C21orf91: variants seen among roughly 807,000 people sequenced by gnomAD.
C21orf91 encodes chromosome 21 open reading frame 91.
Under a neutral mutation model 32.9 loss-of-function variants are expected in C21orf91, and 26 were observed. The ratio of observed to expected loss-of-function variants is 0.79; its 90% confidence interval spans 0.58 to 1.10. The LOEUF is 1.10. Among genes scored for constraint, C21orf91 ranks in the 50% least tolerant of loss-of-function variants. The pLI, the probability that C21orf91 is intolerant of heterozygous loss-of-function variation, is 0.00. For missense variants in C21orf91, 310 were observed against 341.3 expected, an observed-to-expected ratio of 0.91 and a Z score of 0.72; for synonymous variants, 126 against 120.4, an observed-to-expected ratio of 1.05 and a Z score of -0.31.
intron 2 of C21orf91, among the ~76,000 whole-genome samples, chr21:17,801,778 G>T (rs1438926655): frequency 2.0e-5 from 3 of 151,556 alleles, no homozygotes; most frequent in Non-Finnish European, 4.4e-5. Flanking sequence ...AACCACCACG[G>T]CATGTGTATA....
Position 17,803,995 on chromosome 21 carries a change from T to C in C21orf91, c.128-6877A>G, listed in dbSNP as rs184719605. On this transcript the variant is annotated intron_variant, in intron 2 of 4. Coordinates refer to ENST00000284881, the MANE Select transcript of C21orf91 (RefSeq NM_001100420.2). ...GCTCTTCAATTCCAAATAGTTCTTA[T>C]TATTTCCTTAATGAAAGCACTTGTA... 1.7e-3 allele frequency among the ~76,000 whole-genome samples: 259 copies of C among 152,272 alleles called. 2 individuals carry two copies. Among genetic ancestry groups the C allele is most frequent in the Non-Finnish European group, 1.3e-4 (9 of 68,030 alleles).
chr21:17,801,144 C>A (rs952540338), intron 2 of C21orf91, among the ~76,000 whole-genome samples: 4 of 151,976 alleles, frequency 2.6e-5, no homozygotes, highest in Non-Finnish European at 5.9e-5. Context: ...AGACATGGAA[C>A]CAACACAAAT....
At chr21:17,814,609 G>A (rs2062653387) in intron 2 of C21orf91, among the ~76,000 whole-genome samples, 1 of 152,158 alleles carries the variant, frequency 6.6e-6, no homozygotes, top group African/African-American at 2.4e-5. Context: ...GGCAAAGAGG[G>A]AGCCAGCACC....
At chr21:17,803,765 A>C (rs887869646) in intron 2 of C21orf91, among the ~76,000 whole-genome samples, 1 of 152,140 alleles carries the variant, frequency 6.6e-6, no homozygotes, top group Non-Finnish European at 1.5e-5. Flanking sequence ...ATGGATGAAA[A>C]TGTTACTTGT....
intron 4 of C21orf91, among the ~76,000 whole-genome samples, chr21:17,794,516 A>G (rs1156525220): frequency 6.6e-6 from 1 of 152,216 alleles, no homozygotes; most frequent in Non-Finnish European, 1.5e-5. Flanking sequence ...TGGTAGTGCA[A>G]TGGGAATGGA....
intron 1 of C21orf91, among the ~76,000 whole-genome samples, chr21:17,818,585 G>T (rs1486071858): frequency 1.3e-5 from 2 of 152,216 alleles, no homozygotes; most frequent in Non-Finnish European, 2.9e-5. Context: ...TTGGGTTAGT[G>T]GCACCTGAAG....
chr21:17,800,039 G>A (rs1271386385), intron 2 of C21orf91, among the ~76,000 whole-genome samples: 1 of 151,926 alleles, frequency 6.6e-6, no homozygotes, highest in Non-Finnish European at 1.5e-5. Context: ...ACATATCAGT[G>A]GCACTGATAC....
At chr21:17,816,039 G>T (rs753434234) in intron 2 of C21orf91, among the ~76,000 whole-genome samples, 2 of 152,236 alleles carry the variant, frequency 1.3e-5, no homozygotes, top group Non-Finnish European at 2.9e-5. Flanking sequence ...TGTGAGAGCT[G>T]AGAAATGACA....
intron 2 of C21orf91, chr21:17,811,528 T>C (rs948311064): frequency 5.9e-5 from 9 of 152,220 alleles, no homozygotes; most frequent in African/African-American, 9.6e-5. Flanking sequence ...TTAGCGTCTA[T>C]TATACTTCAT....
At chr21:17,816,072 G>A (rs1322920969) in intron 2 of C21orf91, among the ~76,000 whole-genome samples, 1 of 152,164 alleles carries the variant, frequency 6.6e-6, no homozygotes, top group Admixed American at 6.5e-5. Context: ...GAAATTATTT[G>A]ACTCTAATTT....
chr21:17,813,710 C>G (rs1225272883), intron 2 of C21orf91, among the ~76,000 whole-genome samples: 1 of 152,188 alleles, frequency 6.6e-6, no homozygotes, highest in Non-Finnish European at 1.5e-5. Flanking sequence ...TTGAGCATTC[C>G]AAATAACAAA....
At chr21:17,818,382 G>A (rs548432830) in intron 1 of C21orf91, 57 bp from the exon 2 acceptor site, 251 of 1,460,218 alleles carry the variant, frequency 1.7e-4, no homozygotes, top group Non-Finnish European at 2.2e-4. Context: ...CTTTGGGGTA[G>A]TTCCCTTTAC....
At chr21:17,808,822 T>C (rs554586815) in intron 2 of C21orf91, 1 of 152,254 alleles carries the variant, frequency 6.6e-6, no homozygotes, top group East Asian at 1.9e-4. Context: ...CAGAATGATA[T>C]GGTTTGGATT....
At chr21:17,801,805 G>A (rs1193158583) in intron 2 of C21orf91, among the ~76,000 whole-genome samples, 7 of 150,876 alleles carry the variant, frequency 4.6e-5, no homozygotes, top group Non-Finnish European at 8.8e-5. Flanking sequence ...TAACAAACCT[G>A]CATGTTCTGC....
In C21orf91 at chr21:17,808,256, C is replaced by G. The variant is rs148784949; in HGVS notation, c.127+9936G>C. 1.1e-3 allele frequency among the ~76,000 whole-genome samples: 172 copies of G among 152,356 alleles called. 2 individuals are homozygous for G. Among genetic ancestry groups the G allele is most frequent in the African/African-American group, 3.9e-3 (164 of 41,586 alleles). On this transcript the variant is annotated intron_variant, in intron 2 of 4. Coordinates refer to ENST00000284881, the MANE Select transcript of C21orf91 (RefSeq NM_001100420.2). ...TCTCAGGCCTCTGCTCCAGAGAGTGCAAGCTGTAAGCCTTGGGGGCTTCCA... is the reference window on the plus strand; with the variant it reads ...TCTCAGGCCTCTGCTCCAGAGAGTGGAAGCTGTAAGCCTTGGGGGCTTCCA...
intron 2 of C21orf91, among the ~76,000 whole-genome samples, chr21:17,800,645 T>A (rs1278004648): frequency 6.6e-6 from 1 of 152,206 alleles, no homozygotes; most frequent in Non-Finnish European, 1.5e-5. Flanking sequence ...TGCAACACAA[T>A]CAGGTGATAC....
chr21:17,816,761 C>T (rs949280931), intron 2 of C21orf91, among the ~76,000 whole-genome samples: 1 of 152,242 alleles, frequency 6.6e-6, no homozygotes, highest in African/African-American at 2.4e-5. Flanking sequence ...GCCATCACCA[C>T]TACAGCAACC....
chr21:17,805,258 T>C (rs1053375226), intron 2 of C21orf91, among the ~76,000 whole-genome samples: 5 of 152,186 alleles, frequency 3.3e-5, no homozygotes, highest in Non-Finnish European at 5.9e-5. Context: ...AAAAGGGTAC[T>C]TGGAAAGAGA....
intron 2 of C21orf91, among the ~76,000 whole-genome samples, chr21:17,801,516 C>T (rs894014860): frequency 7.2e-5 from 11 of 152,162 alleles, no homozygotes; most frequent in Admixed American, 2.0e-4. Context: ...GTGATCCGCC[C>T]GCCTCGGCCT....
Sources: gnomAD v4.1 joint callset for allele counts (sites outside exome capture counted in the v4.1 genomes callset) on GRCh38, gnomAD v4.1.1 for gene constraint, MANE v1.5 for transcripts, NCBI Gene and HGNC (gene_info 2026-07-23, HGNC 2026-07-21) for gene names.